Variants in MRPS6 observed in about 807,000 individuals in gnomAD.
MRPS6 encodes the protein mitochondrial ribosomal protein S6, also known as small ribosomal subunit protein bS6m.
In MRPS6, 6 loss-of-function variants were observed where a neutral mutation model predicts 13.1. The observed-to-expected ratio is 0.46, with a 90% CI of 0.25 to 0.91. The LOEUF (loss-of-function observed/expected upper bound fraction) is 0.91, where lower values mean the gene tolerates loss of function less well. MRPS6 is among the 40% of genes least tolerant of loss of function. MRPS6 has a pLI of 0.18. For missense variants in MRPS6, 164 were observed against 155.6 expected (o/e 1.05, Z -0.29); for synonymous variants, 61 against 56.5 (o/e 1.08, Z -0.36).
intron 1 of MRPS6, among the ~76,000 whole-genome samples, chr21:34,086,133 T>C (rs1978361564): frequency 6.6e-6 from 1 of 152,206 alleles, no homozygotes; most frequent in Non-Finnish European, 1.5e-5. Flanking sequence ...GCTGGTCACT[T>C]ATGCTGTTTA....
intron 1 of MRPS6, chr21:34,095,324 G>T: frequency 2.5e-6 from 4 of 1,614,002 alleles, no homozygotes; most frequent in Non-Finnish European, 3.4e-6. Flanking sequence ...ACTTCCTGGC[G>T]GGGCGCTCTA....
intron 1 of MRPS6, among the ~76,000 whole-genome samples, chr21:34,086,311 C>T (rs887717272): frequency 6.6e-6 from 1 of 152,070 alleles, no homozygotes; most frequent in Non-Finnish European, 1.5e-5. Flanking sequence ...AAGATTAATT[C>T]TTGGTGTGGG....
intron 1 of MRPS6, among the ~76,000 whole-genome samples, chr21:34,081,295 C>G (rs1989453330): frequency 6.6e-6 from 1 of 152,094 alleles, no homozygotes; most frequent in Admixed American, 6.5e-5. Context: ...GTCATCGATT[C>G]CATTCTCCAA....
At chr21:34,110,055 G>A (rs188737217) in intron 1 of MRPS6, among the ~76,000 whole-genome samples, 1 of 152,206 alleles carries the variant, frequency 6.6e-6, no homozygotes, top group Admixed American at 6.5e-5. Context: ...GCCCATTTCT[G>A]CCCTTCCCTG....
At chr21:34,077,210 T>C (rs1989353187) in intron 1 of MRPS6, among the ~76,000 whole-genome samples, 2 of 152,316 alleles carry the variant, frequency 1.3e-5, no homozygotes, top group African/African-American at 4.8e-5. Context: ...GGTAAAAGAC[T>C]GAAGTGCCAA....
At chr21:34,134,069 G>A (rs1176806929) in intron 2 of MRPS6, among the ~76,000 whole-genome samples, 1 of 152,200 alleles carries the variant, frequency 6.6e-6, no homozygotes, top group East Asian at 1.9e-4. Context: ...AGGGTTGCAA[G>A]GAGGTGGTGA....
chr21:34,092,195 CTG>C (rs948356976), intron 1 of MRPS6, among the ~76,000 whole-genome samples: 18 of 152,074 alleles, frequency 1.2e-4, no homozygotes, highest in African/African-American at 4.3e-4. Context: ...TCTTGAAAGA[CTG>C]AAATTCAAGG....
intron 1 of MRPS6, chr21:34,097,142 G>A (rs748105656): frequency 9.9e-6 from 16 of 1,613,874 alleles, no homozygotes; most frequent in African/African-American, 6.7e-5. Context: ...AGAAAGAAAC[G>A]GATGATGGAG....
chr21:34,106,774 A>G (rs966710004), intron 1 of MRPS6, among the ~76,000 whole-genome samples: 7 of 152,238 alleles, frequency 4.6e-5, no homozygotes, highest in Non-Finnish European at 8.8e-5. Flanking sequence ...GTGATTTTGA[A>G]TCAAAAGACT....
chr21:34,093,303 G>C (rs1349421984), intron 1 of MRPS6, among the ~76,000 whole-genome samples: 1 of 149,732 alleles, frequency 6.7e-6, no homozygotes, highest in African/African-American at 2.5e-5. Flanking sequence ...TTGACACTTA[G>C]AAAGGATTTA....
intron 1 of MRPS6, chr21:34,099,119 T>C (rs1979112036): frequency 1.0e-6 from 1 of 999,654 alleles, no homozygotes; most frequent in Non-Finnish European, 1.2e-6. Context: ...TCTGAAGGAC[T>C]GAGTCTGTAA....
rs752877180 is a variant in MRPS6 at position 34,110,412 on chromosome 21, C to T, written c.46-14929C>T. ...GAAGGATTGCTTGAGCCTGGGAGGT[C>T]GAGGCTACAGTGAGCTACTATTGTG... On this transcript the variant is annotated intron_variant, in intron 1 of 2. Transcript: ENST00000399312. 1.7e-4 allele frequency among the ~76,000 whole-genome samples: 26 copies of T among 151,754 alleles called. 1 individual carries two copies. The highest frequency in any genetic ancestry group is 4.2e-4 in the South Asian group (2 of 4,810).
At chr21:34,111,129 C>T (rs2148664716) in intron 1 of MRPS6, among the ~76,000 whole-genome samples, 1 of 152,314 alleles carries the variant, frequency 6.6e-6, no homozygotes, top group Middle Eastern at 3.4e-3. Context: ...CTGCAGTTTT[C>T]CACCATGCTG....
At chr21:34,111,596 TC>T (rs958318662) in intron 1 of MRPS6, among the ~76,000 whole-genome samples, 1 of 152,248 alleles carries the variant, frequency 6.6e-6, no homozygotes, top group African/African-American at 2.4e-5. Context: ...TTCTGTTTTT[TC>T]CTCTGGATAA....
At chr21:34,119,084 C>T (rs148006793) in intron 1 of MRPS6, among the ~76,000 whole-genome samples, 3 of 152,084 alleles carry the variant, frequency 2.0e-5, no homozygotes, top group Non-Finnish European at 2.9e-5. Flanking sequence ...TTTCTGTGTT[C>T]GATAATTTTT....
At chr21:34,139,042 C>T (rs62212140) in intron 2 of MRPS6, among the ~76,000 whole-genome samples, 8,528 of 151,212 alleles carry the variant, frequency 0.056, 283 homozygotes, top group Middle Eastern at 0.13. Context: ...TGTAGGGACA[C>T]GGATGAAATT....
rs1602974970 is a variant in MRPS6 at position 34,142,816 on chromosome 21, C to G, written c.*216C>G. On this transcript the variant is annotated 3_prime_UTR_variant, in exon 3 of 3. Transcript: ENST00000399312. Reference sequence around the variant, plus strand: ...TCTGTAACCTGCAGTACCAGTGGATCGTTCTTGATTTTGTTTTCATTAGTG... The same window carrying G: ...TCTGTAACCTGCAGTACCAGTGGATGGTTCTTGATTTTGTTTTCATTAGTG... 4 of 442,660 alleles carry G rather than the reference C, an allele frequency of 9.0e-6. No homozygotes were observed. The highest frequency in any genetic ancestry group is 1.5e-5 in the Non-Finnish European group (4 of 259,602). The allele number at this position is 442,660 out of a possible 1,614,324, so 27.4% of individuals were successfully genotyped here. A position where few individuals can be genotyped will look rare whatever the true frequency, so the allele number is the denominator to read the frequency against.
chr21:34,131,000 C>T (rs561692829), intron 2 of MRPS6, among the ~76,000 whole-genome samples: 3 of 152,294 alleles, frequency 2.0e-5, no homozygotes, highest in South Asian at 2.1e-4. Context: ...ACCTGGTAGG[C>T]GGAACCATGT....
intron 1 of MRPS6, chr21:34,099,778 C>T: frequency 1.2e-6 from 1 of 836,692 alleles, no homozygotes; most frequent in Non-Finnish European, 1.5e-6. Flanking sequence ...TAAGGAATGA[C>T]TATTAGCATA....
Sources: gnomAD v4.1 joint callset for allele counts (sites outside exome capture counted in the v4.1 genomes callset) on GRCh38, gnomAD v4.1.1 for gene constraint, MANE v1.5 for transcripts, NCBI Gene and HGNC (gene_info 2026-07-23, HGNC 2026-07-21) for gene names.